The following CADM2 variants were observed in gnomAD, a reference collection of about 807,000 sequenced individuals.
The protein encoded by CADM2 is immunoglobulin superfamily member 4D.
CADM2 carries 12 observed loss-of-function variants against 49.8 expected under a neutral mutation model. That is an observed-to-expected ratio of 0.24 (90% CI 0.15 to 0.39). The LOEUF is 0.39. CADM2 is among the 10% of genes least tolerant of loss of function. The pLI, the probability that CADM2 is intolerant of heterozygous loss-of-function variation, is 1.00. For missense variants in CADM2, 378 were observed against 492.3 expected (o/e 0.77, Z 2.20); for synonymous variants, 214 against 175.4 (o/e 1.22, Z -1.74).
intron 1 of CADM2, among the ~76,000 whole-genome samples, chr3:85,122,573 T>A (rs557045858): frequency 1.1e-4 from 17 of 152,276 alleles, no homozygotes; most frequent in East Asian, 3.9e-4. Context: ...TGAACCATGA[T>A]TGGCTTTGGT....
intron 1 of CADM2, among the ~76,000 whole-genome samples, chr3:85,417,502 T>C (rs540443938): frequency 5.4e-4 from 82 of 152,254 alleles, no homozygotes; most frequent in Middle Eastern, 3.4e-3. Context: ...TAATCAAATG[T>C]AGGCAGAATA....
rs1251259951 is a variant in CADM2 at position 85,637,579 on chromosome 3, G to A, written c.62-88943G>A. Among the ~76,000 whole-genome samples the A allele has an allele frequency of 5.2e-5, 6 of 114,362 alleles. No individual in the cohort carries two copies. The Admixed American group carries it at 5.3e-4, about 10-fold the overall frequency. 75.0% of individuals were successfully genotyped at this position (114,362 alleles called of 152,430 possible). A position where few individuals can be genotyped will look rare whatever the true frequency, so the allele number is the denominator to read the frequency against. ...ATTGCGCCACTGCAGTCCGCAGTCC[G>A]GCCTGGGCGACAGAGCGAGACTCCG... On this transcript the variant is annotated intron_variant, in intron 1 of 9. Coordinates refer to ENST00000383699, the MANE Select transcript of CADM2 (RefSeq NM_001167675.2).
chr3:85,738,156 A>G (rs2068223744), intron 2 of CADM2, among the ~76,000 whole-genome samples: 1 of 105,986 alleles, frequency 9.4e-6, no homozygotes, highest in African/African-American at 4.9e-5. Context: ...AATCCCAGTA[A>G]CGTATATTCA....
intron 1 of CADM2, among the ~76,000 whole-genome samples, chr3:85,154,968 C>G (rs543076248): frequency 6.6e-6 from 1 of 151,866 alleles, no homozygotes; most frequent in Non-Finnish European, 1.5e-5. Flanking sequence ...ACAACCGGTA[C>G]CAGCCGCTGC....
At chr3:85,761,931 G>A (rs1298314248) in intron 2 of CADM2, among the ~76,000 whole-genome samples, 1 of 152,106 alleles carries the variant, frequency 6.6e-6, no homozygotes, top group African/African-American at 2.4e-5. Flanking sequence ...GAGAGCCTCT[G>A]GCCTGAAGTG....
intron 1 of CADM2, among the ~76,000 whole-genome samples, chr3:84,995,608 A>C (rs1047005983): frequency 6.6e-6 from 1 of 152,216 alleles, no homozygotes; most frequent in African/African-American, 2.4e-5. Flanking sequence ...TACATACTTC[A>C]GACAATTTCT....
intron 8 of CADM2, chr3:85,993,810 C>A (rs889523359): frequency 2.0e-5 from 3 of 151,276 alleles, no homozygotes; most frequent in Admixed American, 6.6e-5. Context: ...TTTTTCTGAG[C>A]AGTAGGTCTC....
At chr3:84,993,701 C>T (rs2033022643) in intron 1 of CADM2, among the ~76,000 whole-genome samples, 1 of 152,148 alleles carries the variant, frequency 6.6e-6, no homozygotes, top group Non-Finnish European at 1.5e-5. Context: ...TCTTCATAGA[C>T]ATGTTCTAAA....
At chr3:85,553,303 A>C (rs897685296) in intron 1 of CADM2, among the ~76,000 whole-genome samples, 4 of 105,510 alleles carry the variant, frequency 3.8e-5, no homozygotes, top group Non-Finnish European at 7.1e-5. Context: ...ATTGTGTTTT[A>C]TTTCTTTTTT....
chr3:85,489,808 A>T (rs546874212), intron 1 of CADM2, among the ~76,000 whole-genome samples: 1,792 of 146,772 alleles, frequency 0.012, 31 homozygotes, highest in African/African-American at 0.038. Flanking sequence ...TGTGTGTGTG[A>T]GAGAGAGAGA....
At chr3:85,512,380 G>T (rs755826815) in intron 1 of CADM2, among the ~76,000 whole-genome samples, 1 of 152,042 alleles carries the variant, frequency 6.6e-6, no homozygotes, top group Non-Finnish European at 1.5e-5. Context: ...GTATTCCGTG[G>T]TGTATGTGCA....
At chr3:85,478,141 TA>T (rs2039060252) in intron 1 of CADM2, among the ~76,000 whole-genome samples, 1 of 151,952 alleles carries the variant, frequency 6.6e-6, no homozygotes, top group Admixed American at 6.6e-5. Flanking sequence ...GTTATCTATG[TA>T]ATCTTTTATG....
intron 6 of CADM2, among the ~76,000 whole-genome samples, chr3:85,917,985 G>A (rs13092143): frequency 0.32 from 48,348 of 152,064 alleles, 8,859 homozygotes; most frequent in East Asian, 0.42. Flanking sequence ...TGGTGTATAA[G>A]AATGCTTGTG....
chr3:85,610,938 G>A (rs942062712), intron 1 of CADM2, among the ~76,000 whole-genome samples: 7 of 151,766 alleles, frequency 4.6e-5, no homozygotes, highest in East Asian at 1.9e-4. Flanking sequence ...CATATACTCC[G>A]TTCTCTGGAT....
intron 1 of CADM2, among the ~76,000 whole-genome samples, chr3:85,591,037 G>A (rs2063092552): frequency 6.6e-6 from 1 of 151,802 alleles, no homozygotes; most frequent in Non-Finnish European, 1.5e-5. Flanking sequence ...GAAAATAAGA[G>A]TTTGGTCAGA....
intron 3 of CADM2, among the ~76,000 whole-genome samples, chr3:85,862,869 A>T (rs566378361): frequency 8.5e-5 from 13 of 152,194 alleles, no homozygotes; most frequent in Non-Finnish European, 1.8e-4. Context: ...TAGTGATTGA[A>T]AAAATGGAGG....
At chr3:85,198,034 AC>A (rs1368315702) in intron 1 of CADM2, among the ~76,000 whole-genome samples, 1 of 151,892 alleles carries the variant, frequency 6.6e-6, no homozygotes, top group Non-Finnish European at 1.5e-5. Flanking sequence ...CTATTTAGTT[AC>A]CCAGTGAAGC....
chr3:85,213,745 T>G (rs935327651), intron 1 of CADM2, among the ~76,000 whole-genome samples: 1 of 152,232 alleles, frequency 6.6e-6, no homozygotes, highest in African/African-American at 2.4e-5. Context: ...TTTCTAGACA[T>G]GTTTCATTAT....
intron 1 of CADM2, among the ~76,000 whole-genome samples, chr3:85,061,249 G>T (rs1037542843): frequency 2.0e-5 from 3 of 151,904 alleles, no homozygotes; most frequent in Non-Finnish European, 4.4e-5. Context: ...TAAAAACATA[G>T]AATGTTCATT....
Sources: gnomAD v4.1 joint callset for allele counts (sites outside exome capture counted in the v4.1 genomes callset) on GRCh38, gnomAD v4.1.1 for gene constraint, MANE v1.5 for transcripts, NCBI Gene and HGNC (gene_info 2026-07-23, HGNC 2026-07-21) for gene names.